ABLIM1: variants seen among roughly 807,000 people sequenced by gnomAD.
ABLIM1 encodes actin-binding LIM protein 1.
ABLIM1 carries 40 observed loss-of-function variants against 107.0 expected under a neutral mutation model. The ratio of observed to expected loss-of-function variants is 0.37; its 90% CI spans 0.29 to 0.49. ABLIM1 has a LOEUF of 0.49. ABLIM1 is among the 20% of genes least tolerant of loss of function. The pLI is 0.97. For synonymous variants in ABLIM1, 357 were observed against 357.3 expected (o/e 1.00, Z 0.01); for missense variants, 857 against 1,008.5 (o/e 0.85, Z 2.04).
chr10:114,754,449 G>A (rs1455268120), intron 1 of ABLIM1, among the ~76,000 whole-genome samples: 10 of 152,208 alleles, frequency 6.6e-5, no homozygotes, highest in Admixed American at 5.9e-4. Flanking sequence ...CAGTCTAGAC[G>A]TGGCTGGGGC....
At chr10:114,540,104 G>A (rs942368067) in intron 6 of ABLIM1, among the ~76,000 whole-genome samples, 3 of 152,134 alleles carry the variant, frequency 2.0e-5, no homozygotes, top group African/African-American at 4.8e-5. Flanking sequence ...TCTTGCTGTC[G>A]AAAACAAAAC....
intron 6 of ABLIM1, among the ~76,000 whole-genome samples, chr10:114,516,875 C>CATT: frequency 6.6e-6 from 1 of 152,348 alleles, no homozygotes; most frequent in East Asian, 1.9e-4. Context: ...ACACTCTTCT[C>CATT]ATTAGCCTCT....
At chr10:114,636,764 G>T (rs979452039) in intron 1 of ABLIM1, among the ~76,000 whole-genome samples, 1 of 152,130 alleles carries the variant, frequency 6.6e-6, no homozygotes, top group Non-Finnish European at 1.5e-5. Flanking sequence ...TCGGCGCAGT[G>T]GTGCATACCT....
At chr10:114,547,317 AAGG>A (rs2067483781) in intron 5 of ABLIM1, among the ~76,000 whole-genome samples, 1 of 152,170 alleles carries the variant, frequency 6.6e-6, no homozygotes, top group Admixed American at 6.5e-5. Flanking sequence ...CCAGCCCTGG[AAGG>A]AGAACAAAGG....
At chr10:114,735,460 G>A (rs2082159619) in intron 1 of ABLIM1, among the ~76,000 whole-genome samples, 1 of 151,730 alleles carries the variant, frequency 6.6e-6, no homozygotes, top group Non-Finnish European at 1.5e-5. Context: ...GTTAATAAAT[G>A]TGCTGGGTTT....
intron 1 of ABLIM1, among the ~76,000 whole-genome samples, chr10:114,715,953 G>A (rs1315775095): frequency 6.6e-6 from 1 of 152,174 alleles, no homozygotes; most frequent in Non-Finnish European, 1.5e-5. Context: ...TGTCCTAAGA[G>A]TTAGGGACAC....
chr10:114,636,900 G>A (rs919626418), intron 1 of ABLIM1, among the ~76,000 whole-genome samples: 1 of 152,114 alleles, frequency 6.6e-6, no homozygotes, highest in Non-Finnish European at 1.5e-5. Context: ...AGAGGTGGTG[G>A]CGTGCACCTG....
At chr10:114,743,688 A>G (rs1349386140) in intron 1 of ABLIM1, among the ~76,000 whole-genome samples, 1 of 152,154 alleles carries the variant, frequency 6.6e-6, no homozygotes, top group Admixed American at 6.5e-5. Flanking sequence ...CGAAAACCTC[A>G]AAGTTGTGTT....
chr10:114,725,136 C>T lies in ABLIM1; in HGVS notation c.-213+42925G>A, dbSNP rs371851966. Among the ~76,000 whole-genome samples, 45 of 152,262 alleles carry T rather than the reference C, an allele frequency of 3.0e-4. 1 individual carries two copies. In the East Asian group the frequency reaches 8.7e-3, roughly 29 times the overall value. On this transcript the variant is annotated intron_variant, in intron 1 of 15. Transcript: ENST00000651092. ...AGCATTTAAGAGTGTATTTTTAAAA[C>T]CTCCAATTTTAAAATTGATCAATAT...
intron 8 of ABLIM1, among the ~76,000 whole-genome samples, chr10:114,477,752 C>A (rs566532569): frequency 4.5e-4 from 69 of 152,030 alleles, no homozygotes; most frequent in African/African-American, 1.5e-3. Context: ...GAGACAGAGT[C>A]TCACTCTGTC....
intron 1 of ABLIM1, among the ~76,000 whole-genome samples, chr10:114,616,608 A>T (rs770053396): frequency 6.6e-6 from 1 of 152,196 alleles, no homozygotes; most frequent in African/African-American, 2.4e-5. Flanking sequence ...CTACTTAGGC[A>T]AGCTGGAAGA....
intron 15 of ABLIM1, 51 bp downstream of exon 15, chr10:114,447,829 T>G: frequency 1.9e-6 from 3 of 1,600,222 alleles, no homozygotes; most frequent in Non-Finnish European, 2.6e-6. Context: ...CATGTCATCT[T>G]GAGCTCTCCT....
intron 1 of ABLIM1, among the ~76,000 whole-genome samples, chr10:114,602,259 C>G (rs1198177274): frequency 6.6e-6 from 1 of 152,160 alleles, no homozygotes; most frequent in Admixed American, 6.5e-5. Context: ...CACAATCTTG[C>G]TTAGTTCAAT....
At chr10:114,595,815 C>T (rs1591478372) in intron 2 of ABLIM1, among the ~76,000 whole-genome samples, 1 of 152,158 alleles carries the variant, frequency 6.6e-6, no homozygotes. Context: ...TCAGTTCCTG[C>T]CTTTTGCTCT....
intron 1 of ABLIM1, among the ~76,000 whole-genome samples, chr10:114,764,213 T>C (rs1426897355): frequency 6.6e-6 from 1 of 152,186 alleles, no homozygotes; most frequent in African/African-American, 2.4e-5. Flanking sequence ...TTGATGAGAG[T>C]ATCCTAAAAT....
At chr10:114,647,519 T>C (rs959225662) in intron 1 of ABLIM1, among the ~76,000 whole-genome samples, 1 of 152,186 alleles carries the variant, frequency 6.6e-6, no homozygotes, top group Non-Finnish European at 1.5e-5. Flanking sequence ...CAGAATATTC[T>C]AGTGATGTCA....
intron 1 of ABLIM1, among the ~76,000 whole-genome samples, chr10:114,644,329 A>ATATATATATATATG (rs1158947105): frequency 8.7e-6 from 1 of 114,956 alleles, no homozygotes; most frequent in Non-Finnish European, 1.6e-5. Flanking sequence ...ATATATATAT[A>ATATATATATATATG]TGTGTATATA....
intron 1 of ABLIM1, among the ~76,000 whole-genome samples, chr10:114,615,884 C>T (rs1042962137): frequency 3.5e-4 from 53 of 151,922 alleles, no homozygotes; most frequent in Non-Finnish European, 5.7e-4. Flanking sequence ...GCTAAGCTCT[C>T]TGAATGAGAA....
At position 114,615,443 on chromosome 10, in the gene ABLIM1, G is replaced by T. The variant is rs534397147; in HGVS notation, c.245-13482C>A. ...CTGAGACTTCTCCCTGAACTACCTT[G>T]TTAAAGGCAGTCTCCCTCCGACCCC... On this transcript the variant is annotated intron_variant, in intron 1 of 22. Coordinates refer to ENST00000533213, the MANE Select transcript of ABLIM1 (RefSeq NM_002313.7). The T allele has an allele frequency of 1.1e-4, 43 of 384,566 alleles. 2 individuals carry two copies. The highest frequency in any genetic ancestry group is 8.3e-4 in the South Asian group (43 of 51,970). 23.8% of individuals were successfully genotyped at this position (384,566 alleles called of 1,614,324 possible). A position where few individuals can be genotyped will look rare whatever the true frequency, so the allele number is the denominator to read the frequency against.
Sources: gnomAD v4.1 joint callset for allele counts (sites outside exome capture counted in the v4.1 genomes callset) on GRCh38, gnomAD v4.1.1 for gene constraint, MANE v1.5 for transcripts, NCBI Gene and HGNC (gene_info 2026-07-23, HGNC 2026-07-21) for gene names.